The following ARHGAP22 variants were observed in gnomAD, a reference collection of about 807,000 sequenced individuals.
ARHGAP22 encodes the protein rho GTPase-activating protein 22.
A neutral mutation model predicts 59.1 loss-of-function variants in ARHGAP22; 48 were observed. The ratio of observed to expected loss-of-function variants is 0.81; its 90% CI spans 0.64 to 1.03. The LOEUF (loss-of-function observed/expected upper bound fraction) is 1.03, where lower values mean the gene tolerates loss of function less well. Ranked by LOEUF, ARHGAP22 falls within the 50% of genes least tolerant of loss-of-function variation. The pLI, the probability that ARHGAP22 is intolerant of heterozygous loss-of-function variation, is 0.00. For missense variants in ARHGAP22, 1,015 were observed against 958.7 expected (o/e 1.06, Z -0.78); for synonymous variants, 445 against 416.4 (o/e 1.07, Z -0.84).
intron 1 of ARHGAP22, among the ~76,000 whole-genome samples, chr10:48,599,018 C>T (rs56945215): frequency 0.11 from 17,090 of 152,082 alleles, 3,181 homozygotes; most frequent in African/African-American, 0.39. Context: ...TTTCCTTATC[C>T]GAAAAATGGG....
At chr10:48,451,186 G>GC in intron 8 of ARHGAP22, 46 bp from the exon 9 acceptor site, 1 of 1,549,728 alleles carries the variant, frequency 6.5e-7, no homozygotes, top group Non-Finnish European at 8.7e-7. Flanking sequence ...CAGCCACTCG[G>GC]CCCAGGCTCG....
chr10:48,522,611 C>G (rs907005259), intron 3 of ARHGAP22, among the ~76,000 whole-genome samples: 6 of 152,206 alleles, frequency 3.9e-5, no homozygotes, highest in Non-Finnish European at 8.8e-5. Context: ...ATCCTGGGCT[C>G]TGACCTGCCC....
At chr10:48,447,369 G>A (rs1170016323) in intron 9 of ARHGAP22, among the ~76,000 whole-genome samples, 1 of 152,214 alleles carries the variant, frequency 6.6e-6, no homozygotes, top group African/African-American at 2.4e-5. Context: ...TGACCTCTGA[G>A]CCACATGGCT....
chr10:48,524,060 C>G, intron 3 of ARHGAP22: 1 of 1,477,848 alleles, frequency 6.8e-7, no homozygotes, highest in South Asian at 1.3e-5. Context: ...TACCTTTGGG[C>G]GCTCGCAGGT....
At chr10:48,616,861 C>G (rs980961066) in intron 1 of ARHGAP22, among the ~76,000 whole-genome samples, 4 of 152,054 alleles carry the variant, frequency 2.6e-5, no homozygotes, top group African/African-American at 4.8e-5. Context: ...TGAAAAGACA[C>G]TAGACAGTAA....
At chr10:48,552,097 T>C (rs2135275154) in intron 3 of ARHGAP22, among the ~76,000 whole-genome samples, 1 of 152,396 alleles carries the variant, frequency 6.6e-6, no homozygotes, top group African/African-American at 2.4e-5. Flanking sequence ...TGTCATTTTT[T>C]ATACCGTTGA....
intron 4 of ARHGAP22, among the ~76,000 whole-genome samples, chr10:48,463,847 C>T (rs559227167): frequency 6.8e-4 from 104 of 152,286 alleles, no homozygotes; most frequent in African/African-American, 2.5e-3. Flanking sequence ...AGGAGGGGAC[C>T]GAGCTCTCCA....
intron 2 of ARHGAP22, among the ~76,000 whole-genome samples, chr10:48,582,303 C>T (rs2059164968): frequency 1.3e-5 from 2 of 152,242 alleles, no homozygotes; most frequent in African/African-American, 4.8e-5. Flanking sequence ...TGAAACCCAT[C>T]ACAGGGACTG....
chr10:48,583,240 G>T, intron 1 of ARHGAP22, 88 bp from the exon 2 acceptor site: 2 of 1,465,324 alleles, frequency 1.4e-6, no homozygotes, highest in Admixed American at 1.9e-5. Context: ...GCTGCCTCGT[G>T]ACTGAGGCAT....
At chr10:48,514,455 G>A (rs2053096410) in intron 3 of ARHGAP22, among the ~76,000 whole-genome samples, 1 of 151,970 alleles carries the variant, frequency 6.6e-6, no homozygotes, top group Non-Finnish European at 1.5e-5. Flanking sequence ...TACTGAAAGA[G>A]AAAAAAATGA....
intron 1 of ARHGAP22, among the ~76,000 whole-genome samples, chr10:48,627,330 T>G (rs900165476): frequency 5.4e-4 from 83 of 152,348 alleles, no homozygotes; most frequent in African/African-American, 1.9e-3. Context: ...GCACCCATTT[T>G]CATCTGAAGT....
intron 1 of ARHGAP22, among the ~76,000 whole-genome samples, chr10:48,639,840 C>T (rs921753695): frequency 6.6e-6 from 1 of 151,598 alleles, no homozygotes; most frequent in Non-Finnish European, 1.5e-5. Flanking sequence ...AAGTGTGACT[C>T]ATATGTAAAA....
At chr10:48,459,364 G>A (rs1176854416) in intron 5 of ARHGAP22, among the ~76,000 whole-genome samples, 4 of 147,896 alleles carry the variant, frequency 2.7e-5, no homozygotes, top group African/African-American at 7.4e-5. Flanking sequence ...CCTGGGGTCC[G>A]GATGCAGCTG....
In ARHGAP22 at chr10:48,446,352, CCAG is replaced by C; in HGVS notation, c.*36_*38del. The C allele has an allele frequency of 6.2e-7, 1 of 1,606,762 alleles. No individual in the cohort carries two copies. Among genetic ancestry groups the C allele is most frequent in the Non-Finnish European group, 8.5e-7 (1 of 1,174,458 alleles). On this transcript the variant is annotated 3_prime_UTR_variant, in exon 10 of 10. Coordinates refer to ENST00000249601, the MANE Select transcript of ARHGAP22 (RefSeq NM_021226.4). ...TTCTAACTCCATACAAGGCTGGAGA[CCAG>C]CAGACGTGGTACAGAAGTGAGCTCT...
rs752933087 is a variant in ARHGAP22 at position 48,455,124 on chromosome 10, C to T, written c.670G>A (p.Val224Met). Residue 224 changes from valine to methionine, a missense_variant, in exon 6 of 10, where the codon GTG (valine) becomes ATG (methionine). Physicochemically the swap from Val to Met is conservative, Grantham distance 21. Coordinates refer to ENST00000249601, the MANE Select transcript of ARHGAP22 (RefSeq NM_021226.4). The part of the protein sequence containing the change: ...EKPLFDSTTD[V>M]HTVASLLKLY... ...TTCAGCAGGGAGGCCACCGTGTGCA[C>T]GTCTGTTGTGCTGTGGGGGGGAAGA... The T allele has an allele frequency of 5.6e-6, 9 of 1,609,714 alleles. No individual in the cohort carries two copies. Among genetic ancestry groups the T allele is most frequent in the Admixed American group, 5.0e-5 (3 of 59,854 alleles).
intron 3 of ARHGAP22, chr10:48,546,421 T>A (rs571835560): frequency 1.3e-5 from 2 of 154,016 alleles, no homozygotes; most frequent in Admixed American, 1.3e-4. Context: ...TTACTTGGCA[T>A]CAATTATGAT....
rs1055853926 is a variant in ARHGAP22, at chr10:48,613,725, C to T, written c.53-30573G>A. Among the ~76,000 whole-genome samples, 10 of 151,562 alleles carry T rather than the reference C, an allele frequency of 6.6e-5. No homozygotes were observed. The South Asian group carries it at 8.4e-4, about 13-fold the overall frequency. Reference sequence around the variant, plus strand: ...GAGGCCAGGACCAAACTATGAGAACCTCCAACATCTAAGGATTGTTAGAAG... The same window carrying T: ...GAGGCCAGGACCAAACTATGAGAACTTCCAACATCTAAGGATTGTTAGAAG... On this transcript the variant is annotated intron_variant, in intron 1 of 9. Transcript: ENST00000435790.
At chr10:48,534,042 G>T (rs1207610654) in intron 3 of ARHGAP22, among the ~76,000 whole-genome samples, 2 of 152,232 alleles carry the variant, frequency 1.3e-5, no homozygotes, top group Non-Finnish European at 2.9e-5. Flanking sequence ...CAGTGAGAGT[G>T]CATTCTCTGG....
At chr10:48,617,586 C>T (rs2136008387) in intron 1 of ARHGAP22, among the ~76,000 whole-genome samples, 1 of 152,022 alleles carries the variant, frequency 6.6e-6, no homozygotes, top group Admixed American at 6.5e-5. Context: ...AAATTAAACA[C>T]CATGCTCTTG....
Sources: gnomAD v4.1 joint callset for allele counts (sites outside exome capture counted in the v4.1 genomes callset) on GRCh38, gnomAD v4.1.1 for gene constraint, MANE v1.5 for transcripts, NCBI Gene and HGNC (gene_info 2026-07-23, HGNC 2026-07-21) for gene names.